CCNY: variants seen among roughly 807,000 people sequenced by gnomAD.
CCNY encodes the protein cyclin-Y.
CCNY carries 19 observed loss-of-function variants against 42.8 expected under a neutral mutation model. The ratio of observed to expected loss-of-function variants is 0.44; its 90% confidence interval spans 0.31 to 0.65. The LOEUF is 0.65. Among genes scored for constraint, CCNY ranks in the 30% least tolerant of loss-of-function variants. The pLI is 0.07. For synonymous variants in CCNY, 165 were observed against 162.7 expected, an observed-to-expected ratio of 1.01 and a Z score of -0.11; for missense variants, 370 against 437.3, an observed-to-expected ratio of 0.85 and a Z score of 1.37.
At chr10:35,310,532 A>T (rs895168365) in intron 3 of CCNY, among the ~76,000 whole-genome samples, 3 of 152,212 alleles carry the variant, frequency 2.0e-5, no homozygotes, top group African/African-American at 7.2e-5. Flanking sequence ...CCAACAGTGT[A>T]TATCCCCTTT....
chr10:35,296,881 G>A (rs1035236632), intron 3 of CCNY, among the ~76,000 whole-genome samples: 2 of 152,158 alleles, frequency 1.3e-5, no homozygotes, highest in Non-Finnish European at 2.9e-5. Flanking sequence ...GATGTATAAA[G>A]AAGAGCTGGT....
intron 1 of CCNY, among the ~76,000 whole-genome samples, chr10:35,370,220 C>T (rs1368086751): frequency 6.6e-6 from 1 of 151,298 alleles, no homozygotes; most frequent in Non-Finnish European, 1.5e-5. Flanking sequence ...GGCACGATCT[C>T]GGCTCACTGC....
intron 2 of CCNY, among the ~76,000 whole-genome samples, chr10:35,490,498 C>T (rs941646023): frequency 4.6e-5 from 7 of 152,210 alleles, no homozygotes; most frequent in African/African-American, 1.2e-4. Flanking sequence ...CAGCAGTCTG[C>T]GGTCCACTGC....
intron 1 of CCNY, among the ~76,000 whole-genome samples, chr10:35,420,946 A>G (rs1838145942): frequency 6.6e-6 from 1 of 152,234 alleles, no homozygotes. Context: ...ACCCTGCAGC[A>G]TTTTAAGCCA....
chr10:35,498,795 A>G (rs1231293445), intron 2 of CCNY, among the ~76,000 whole-genome samples: 1 of 152,212 alleles, frequency 6.6e-6, no homozygotes, highest in Non-Finnish European at 1.5e-5. Context: ...AGACCCTCTT[A>G]TGTTAGGAGG....
chr10:35,455,816 TTTTTTTTTTAA>T (rs938032912), intron 1 of CCNY, among the ~76,000 whole-genome samples: 6 of 135,586 alleles, frequency 4.4e-5, no homozygotes, highest in African/African-American at 8.7e-5. Context: ...TTTTTTTTTT[TTTTTTTTTTAA>T]AAAAAGAAAA....
chr10:35,401,803 C>G (rs1837651007), intron 1 of CCNY, among the ~76,000 whole-genome samples: 1 of 152,092 alleles, frequency 6.6e-6, no homozygotes, highest in Non-Finnish European at 1.5e-5. Flanking sequence ...AGTACATTCT[C>G]AAGGGCGGGG....
chr10:35,347,477 G>A, intron 1 of CCNY: 1 of 970,962 alleles, frequency 1.0e-6, no homozygotes, highest in African/African-American at 1.8e-5. Context: ...ATGTAATATA[G>A]CTATATGTTT....
chr10:35,567,208 T>C (rs1841589637), intron 9 of CCNY, among the ~76,000 whole-genome samples: 1 of 152,246 alleles, frequency 6.6e-6, no homozygotes, highest in Non-Finnish European at 1.5e-5. Flanking sequence ...TTATTTTTTT[T>C]CCAAAATACC....
chr10:35,502,780 A>G (rs1376444800), intron 3 of CCNY, among the ~76,000 whole-genome samples: 2 of 151,934 alleles, frequency 1.3e-5, no homozygotes, highest in Non-Finnish European at 2.9e-5. Context: ...ATATACCTGG[A>G]TATAAAAATT....
intron 3 of CCNY, among the ~76,000 whole-genome samples, chr10:35,330,473 G>C (rs978666051): frequency 3.3e-5 from 5 of 152,162 alleles, no homozygotes; most frequent in African/African-American, 1.2e-4. Context: ...TCATCTGGGG[G>C]CCAATCAAGG....
At chr10:35,268,448 C>G (rs1043155856) in intron 3 of CCNY, among the ~76,000 whole-genome samples, 4 of 152,174 alleles carry the variant, frequency 2.6e-5, no homozygotes, top group Non-Finnish European at 5.9e-5. Flanking sequence ...TCCCTGCCCC[C>G]GTGGTTTTGC....
intron 4 of CCNY, among the ~76,000 whole-genome samples, chr10:35,522,930 A>T (rs1840578576): frequency 6.6e-6 from 1 of 152,236 alleles, no homozygotes; most frequent in Non-Finnish European, 1.5e-5. Context: ...GGGTGCTCAC[A>T]AAACCCCACT....
Position 35,478,717 on chromosome 10 carries a change from A to G in CCNY, c.155-4687A>G, listed in dbSNP as rs576701338. On this transcript the variant is annotated intron_variant, in intron 1 of 9. Coordinates refer to ENST00000374704, the MANE Select transcript of CCNY (RefSeq NM_145012.6). The stretch of plus-strand genomic sequence containing the variant: ...GAAAACCTAGGCAATACCATTCAGG[A>G]CATAGGCATGGGCAAGGACTTCATG... Among the ~76,000 whole-genome samples the G allele has an allele frequency of 6.6e-5, 10 of 152,338 alleles. No individual in the cohort carries two copies. The East Asian group carries it at 1.9e-3, about 29-fold the overall frequency.
intron 9 of CCNY, 133 bp from the exon 10 acceptor site, chr10:35,568,921 G>A: frequency 1.5e-6 from 1 of 663,724 alleles, no homozygotes; most frequent in South Asian, 1.8e-5. Flanking sequence ...CAGAGAGCTG[G>A]GCTCTGGGCC....
At chr10:35,351,481 G>C (rs1355857843) in intron 1 of CCNY, among the ~76,000 whole-genome samples, 1 of 152,196 alleles carries the variant, frequency 6.6e-6, no homozygotes, top group African/African-American at 2.4e-5. Context: ...CTCAGGGAAG[G>C]TCCAGCCTAA....
At chr10:35,268,083 C>T (rs1047635637) in intron 3 of CCNY, among the ~76,000 whole-genome samples, 5 of 152,076 alleles carry the variant, frequency 3.3e-5, no homozygotes, top group African/African-American at 1.2e-4. Flanking sequence ...CGCCACTACA[C>T]CCGGCTAATT....
intron 2 of CCNY, among the ~76,000 whole-genome samples, chr10:35,494,490 C>G (rs1255200762): frequency 3.9e-5 from 6 of 152,066 alleles, no homozygotes; most frequent in Non-Finnish European, 8.8e-5. Context: ...GTAACAAATA[C>G]AATCATAATC....
intron 1 of CCNY, among the ~76,000 whole-genome samples, chr10:35,430,835 G>T (rs953993129): frequency 6.6e-6 from 1 of 152,096 alleles, no homozygotes; most frequent in African/African-American, 2.4e-5. Context: ...ATACGGCTTG[G>T]CGTGGTGGCT....
Sources: gnomAD v4.1 joint callset for allele counts (sites outside exome capture counted in the v4.1 genomes callset) on GRCh38, gnomAD v4.1.1 for gene constraint, MANE v1.5 for transcripts, NCBI Gene and HGNC (gene_info 2026-07-23, HGNC 2026-07-21) for gene names.